The following NRG3 variants were observed in gnomAD, a reference collection of about 807,000 sequenced individuals.
NRG3 encodes neuregulin 3, also known as pro-neuregulin-3, membrane-bound isoform.
A neutral mutation model predicts 66.9 loss-of-function variants in NRG3; 31 were observed. That is an observed-to-expected ratio of 0.46 (90% CI 0.35 to 0.63). NRG3 has a LOEUF of 0.63. Among genes scored for constraint, NRG3 ranks in the 20% least tolerant of loss-of-function variants. The pLI, the probability that NRG3 is intolerant of heterozygous loss-of-function variation, is 0.00. For synonymous variants in NRG3, 393 were observed against 359.4 expected, an observed-to-expected ratio of 1.09 and a Z score of -1.06; for missense variants, 910 against 878.9, an observed-to-expected ratio of 1.04 and a Z score of -0.45.
At chr10:82,385,027 G>A (rs1025816796) in intron 2 of NRG3, among the ~76,000 whole-genome samples, 1 of 152,078 alleles carries the variant, frequency 6.6e-6, no homozygotes, top group Admixed American at 6.6e-5. Context: ...GTATGAAATG[G>A]TATCTCATTG....
chr10:82,369,152 C>CT (rs2084726784), intron 2 of NRG3, among the ~76,000 whole-genome samples: 1 of 120,770 alleles, frequency 8.3e-6, no homozygotes, highest in Non-Finnish European at 1.5e-5. Flanking sequence ...ATGCGTAAAC[C>CT]AAAATGTCAG....
chr10:82,098,005 T>C (rs910497444), intron 1 of NRG3, among the ~76,000 whole-genome samples: 3 of 151,504 alleles, frequency 2.0e-5, no homozygotes, highest in African/African-American at 7.3e-5. Context: ...CCGAGAAGGA[T>C]CTGAGACCTT....
chr10:81,944,840 C>A (rs932966826), intron 1 of NRG3, among the ~76,000 whole-genome samples: 13 of 152,254 alleles, frequency 8.5e-5, no homozygotes, highest in African/African-American at 3.1e-4. Flanking sequence ...AACTGGAAAT[C>A]TGTTTACCAC....
At chr10:81,926,663 A>T (rs1846822483) in intron 1 of NRG3, among the ~76,000 whole-genome samples, 1 of 152,122 alleles carries the variant, frequency 6.6e-6, no homozygotes, top group Non-Finnish European at 1.5e-5. Context: ...TGGAAGTCCT[A>T]CTTATTAACC....
chr10:82,495,000 G>C (rs938889493), intron 2 of NRG3, among the ~76,000 whole-genome samples: 1 of 151,500 alleles, frequency 6.6e-6, no homozygotes, highest in Non-Finnish European at 1.5e-5. Context: ...CAATGCAGTG[G>C]CACGATCTCC....
intron 4 of NRG3, among the ~76,000 whole-genome samples, chr10:82,937,438 T>TCCGA (rs1464500700): frequency 6.6e-6 from 1 of 152,244 alleles, no homozygotes; most frequent in East Asian, 1.9e-4. Flanking sequence ...ATCTGTGCTT[T>TCCGA]CCGACTATCA....
At chr10:82,265,912 G>C (rs1300809547) in intron 1 of NRG3, among the ~76,000 whole-genome samples, 3 of 152,180 alleles carry the variant, frequency 2.0e-5, no homozygotes, top group Non-Finnish European at 4.4e-5. Context: ...CAAACTCCAA[G>C]ACTTGTGGCA....
chr10:82,644,448 T>C (rs1324850104), intron 2 of NRG3, among the ~76,000 whole-genome samples: 1 of 152,166 alleles, frequency 6.6e-6, no homozygotes, highest in Non-Finnish European at 1.5e-5. Context: ...TTTTTAACTG[T>C]TAAATGAGGT....
chr10:82,173,551 T>A (rs377425727), intron 1 of NRG3, among the ~76,000 whole-genome samples: 4 of 151,920 alleles, frequency 2.6e-5, no homozygotes, highest in African/African-American at 9.7e-5. Flanking sequence ...ATTGACCAGA[T>A]GACACAATGA....
At chr10:82,269,993 C>G (rs187639069) in intron 1 of NRG3, among the ~76,000 whole-genome samples, 2 of 152,034 alleles carry the variant, frequency 1.3e-5, no homozygotes, top group East Asian at 3.9e-4. Context: ...AAAATGGGGA[C>G]GATTAAAGTA....
chr10:81,944,101 C>A (rs1848633083), intron 1 of NRG3, among the ~76,000 whole-genome samples: 1 of 152,212 alleles, frequency 6.6e-6, no homozygotes, highest in African/African-American at 2.4e-5. Context: ...GTTCACCAGA[C>A]ACGCCTGTGA....
chr10:82,563,794 C>A (rs1383851127), intron 2 of NRG3, among the ~76,000 whole-genome samples: 1 of 151,942 alleles, frequency 6.6e-6, no homozygotes, highest in South Asian at 2.1e-4. Context: ...ATATACAGTA[C>A]ATCATTATTA....
At chr10:82,074,745 G>T (rs1313993693) in intron 1 of NRG3, among the ~76,000 whole-genome samples, 1 of 152,206 alleles carries the variant, frequency 6.6e-6, no homozygotes, top group Non-Finnish European at 1.5e-5. Context: ...GCGGAAGCAA[G>T]AGGATCTCTT....
chr10:82,421,459 T>C (rs1448569661), intron 2 of NRG3, among the ~76,000 whole-genome samples: 2 of 151,964 alleles, frequency 1.3e-5, no homozygotes, highest in African/African-American at 2.4e-5. Context: ...GCATGACACA[T>C]GGAAGCTTAT....
At chr10:82,597,804 C>T (rs1005926544) in intron 2 of NRG3, among the ~76,000 whole-genome samples, 4 of 151,922 alleles carry the variant, frequency 2.6e-5, no homozygotes, top group African/African-American at 9.7e-5. Flanking sequence ...GCCTGTAGTC[C>T]TAGCTACTAG....
chr10:82,180,954 C>T (rs1334277591), intron 1 of NRG3, among the ~76,000 whole-genome samples: 2 of 151,720 alleles, frequency 1.3e-5, no homozygotes, highest in Non-Finnish European at 3.0e-5. Context: ...AGTCACCTTA[C>T]TTGTTATAGG....
intron 1 of NRG3, among the ~76,000 whole-genome samples, chr10:81,923,441 G>A (rs1030996002): frequency 2.0e-5 from 3 of 152,138 alleles, no homozygotes; most frequent in African/African-American, 7.2e-5. Context: ...TCCTGACCTG[G>A]TGATCCGCCC....
intron 3 of NRG3, among the ~76,000 whole-genome samples, chr10:82,783,886 G>T (rs1305907912): frequency 3.3e-5 from 5 of 152,022 alleles, no homozygotes; most frequent in Admixed American, 3.3e-4. Flanking sequence ...CCAAAAAAGA[G>T]CCCGCATCGC....
intron 2 of NRG3, among the ~76,000 whole-genome samples, chr10:82,710,001 C>T (rs1220472720): frequency 6.6e-6 from 1 of 152,184 alleles, no homozygotes; most frequent in East Asian, 1.9e-4. Flanking sequence ...AGTAAATAGT[C>T]CATTCACTTT....
Sources: allele counts gnomAD v4.1 joint callset (sites outside exome capture counted in the v4.1 genomes callset), GRCh38; gene constraint gnomAD v4.1.1; transcripts MANE v1.5; gene names NCBI Gene and HGNC (gene_info 2026-07-23, HGNC 2026-07-21).